CREB5: variants seen among roughly 807,000 people sequenced by gnomAD.
CREB5 encodes the protein cyclic AMP-responsive element-binding protein 5.
CREB5 carries 19 observed loss-of-function variants against 57.1 expected under a neutral mutation model. That is an observed-to-expected ratio of 0.33 (90% CI 0.23 to 0.49). The LOEUF (loss-of-function observed/expected upper bound fraction) is 0.49. CREB5 is among the 20% of genes least tolerant of loss of function. The pLI is 0.99. For synonymous variants in CREB5, 238 were observed against 238.3 expected (o/e 1.00, Z 0.01); for missense variants, 579 against 671.6 (o/e 0.86, Z 1.52).
At chr7:28,432,723 T>C (rs1045598200) in intron 1 of CREB5, among the ~76,000 whole-genome samples, 2 of 152,220 alleles carry the variant, frequency 1.3e-5, no homozygotes, top group Non-Finnish European at 2.9e-5. Flanking sequence ...GATAGCTATA[T>C]CTCAAGTTCA....
Position 28,412,673 on chromosome 7 carries a change from G to A in CREB5, c.-242G>A. ...TTACTAAAAGAAACTTAGAGAACGA[G>A]GGAGGTACCAGAGTCTAGGAGGTAC... On this transcript the variant is annotated 5_prime_UTR_variant, in exon 1 of 11. Coordinates refer to ENST00000357727, the MANE Select transcript of CREB5 (RefSeq NM_182898.4). 5.3e-6 allele frequency: 2 copies of A among 379,352 alleles called. No homozygotes were observed. Among genetic ancestry groups the A allele is most frequent in the Middle Eastern group, 6.8e-4 (1 of 1,480 alleles). 23.5% of individuals were successfully genotyped at this position (379,352 alleles called of 1,614,324 possible). A position where few individuals can be genotyped will look rare whatever the true frequency, so the allele number is the denominator to read the frequency against.
chr7:28,500,803 T>A (rs953164499), intron 3 of CREB5, among the ~76,000 whole-genome samples: 12 of 152,174 alleles, frequency 7.9e-5, no homozygotes, highest in Admixed American at 7.9e-4. Context: ...GTTAGGGTAT[T>A]GTAAAAACTG....
chr7:28,744,833 A>G lies in CREB5; in HGVS notation c.702+20501A>G, dbSNP rs566294313. Reference sequence around the variant, plus strand: ...TAAACAAAATCCTAACCAGGATGCAATGATTTGCCTTTGCAAAATCAAATC... The same window carrying G: ...TAAACAAAATCCTAACCAGGATGCAGTGATTTGCCTTTGCAAAATCAAATC... On this transcript the variant is annotated intron_variant, in intron 7 of 10. Transcript: ENST00000357727. 6.6e-5 allele frequency among the ~76,000 whole-genome samples: 10 copies of G among 152,336 alleles called. 1 individual carries two copies. Among genetic ancestry groups the G allele is most frequent in the African/African-American group, 2.4e-4 (10 of 41,578 alleles).
intron 5 of CREB5, among the ~76,000 whole-genome samples, chr7:28,587,432 G>A (rs531192875): frequency 7.2e-5 from 11 of 152,086 alleles, no homozygotes; most frequent in Non-Finnish European, 1.2e-4. Flanking sequence ...TCATCAGTGC[G>A]CTGTTTGGGA....
At chr7:28,624,888 G>T (rs995970321) in intron 5 of CREB5, among the ~76,000 whole-genome samples, 5 of 151,982 alleles carry the variant, frequency 3.3e-5, no homozygotes, top group African/African-American at 1.2e-4. Context: ...CTAGGTTCAT[G>T]CCCAGTTTCC....
intron 2 of CREB5, chr7:28,491,201 T>A (rs1011114556): frequency 8.4e-5 from 83 of 985,402 alleles, no homozygotes; most frequent in Middle Eastern, 5.2e-4. Context: ...ACAGTTTTTT[T>A]AAAAATTAAA....
chr7:28,418,156 C>T (rs10263546), intron 1 of CREB5, among the ~76,000 whole-genome samples: 7,967 of 152,178 alleles, frequency 0.052, 683 homozygotes, highest in African/African-American at 0.18. Flanking sequence ...TTTTAACAAA[C>T]TTGTGTTATT....
Position 28,568,113 on chromosome 7 carries a change from C to A in CREB5, c.292-2252C>A, listed in dbSNP as rs555832237. Among the ~76,000 whole-genome samples the A allele has an allele frequency of 1.2e-4, 18 of 151,996 alleles. No individual in the cohort carries two copies. In the South Asian group the frequency reaches 3.7e-3, roughly 32 times the overall value. On this transcript the variant is annotated intron_variant, in intron 4 of 10. Transcript: ENST00000357727. ...GGTTATAGGTTGGTGGAAGGATGGA[C>A]GGAAAGATTGGAAGAGATGAGGGAC... is the stretch of plus-strand genomic sequence containing the variant.
intron 4 of CREB5, among the ~76,000 whole-genome samples, chr7:28,567,358 A>G (rs1795524884): frequency 6.6e-6 from 1 of 152,172 alleles, no homozygotes; most frequent in African/African-American, 2.4e-5. Context: ...GGACATTAGC[A>G]CTCTCGAAAA....
intron 4 of CREB5, among the ~76,000 whole-genome samples, chr7:28,528,840 T>G (rs1793584793): frequency 6.6e-6 from 1 of 152,138 alleles, no homozygotes; most frequent in African/African-American, 2.4e-5. Context: ...ATATGATATT[T>G]ATTTCCCTTC....
At chr7:28,535,336 A>AAAG (rs1793909061) in intron 4 of CREB5, among the ~76,000 whole-genome samples, 1 of 137,206 alleles carries the variant, frequency 7.3e-6, no homozygotes, top group Non-Finnish European at 1.6e-5. Flanking sequence ...GGAGGGAAGG[A>AAAG]AAGAAGGAGG....
chr7:28,494,949 A>G lies in CREB5; in HGVS notation c.119A>G (p.His40Arg). 4 of 1,609,208 alleles carry G rather than the reference A, an allele frequency of 2.5e-6. No individual in the cohort carries two copies. Among genetic ancestry groups the G allele is most frequent in the Non-Finnish European group, 3.4e-6 (4 of 1,179,084 alleles). ...EDHLMIHRHK[H>R]EMTLKFPSIK... ...CATCTGATGATTCATAGGCACAAAC[A>G]TGAAATGACTTTGAAGTTTCCTTCA... The change falls in exon 3 of 11, where the codon CAT becomes CGT. Residue 40 changes from histidine to arginine, a missense_variant. Transcript: ENST00000357727.
intron 1 of CREB5, among the ~76,000 whole-genome samples, chr7:28,413,858 C>T (rs1261115707): frequency 6.6e-6 from 1 of 152,022 alleles, no homozygotes; most frequent in Non-Finnish European, 1.5e-5. Context: ...TGTCAGTTTC[C>T]CACACCTGCA....
At chr7:28,401,945 T>C (rs1355872599) in intron 1 of CREB5, among the ~76,000 whole-genome samples, 1 of 152,192 alleles carries the variant, frequency 6.6e-6, no homozygotes, top group Admixed American at 6.5e-5. Flanking sequence ...GATGGCTGGG[T>C]CAAATGGTAT....
chr7:28,604,947 A>G lies in CREB5; in HGVS notation c.464+34410A>G, dbSNP rs920290386. On this transcript the variant is annotated intron_variant, in intron 5 of 10. Transcript: ENST00000357727. ...TGGGAGAATTAATATATTCTCTTCC[A>G]GTCACTATGTGACAGCAGCTTGATG... Among the ~76,000 whole-genome samples the G allele has an allele frequency of 5.3e-5, 8 of 152,318 alleles. No individual in the cohort carries two copies. In the East Asian group the frequency reaches 1.3e-3, roughly 26 times the overall value.
intron 9 of CREB5, among the ~76,000 whole-genome samples, chr7:28,812,219 G>A (rs759620980): frequency 2.0e-5 from 3 of 152,164 alleles, no homozygotes; most frequent in African/African-American, 7.2e-5. Flanking sequence ...CAGCTGCCAA[G>A]GCTTTAAATC....
intron 5 of CREB5, among the ~76,000 whole-genome samples, chr7:28,626,086 T>C (rs2128689562): frequency 6.6e-6 from 1 of 152,276 alleles, no homozygotes; most frequent in African/African-American, 2.4e-5. Flanking sequence ...TCTATTTGGG[T>C]GTGTCATTTT....
intron 7 of CREB5, among the ~76,000 whole-genome samples, chr7:28,800,000 A>T (rs947104131): frequency 1.8e-4 from 28 of 152,244 alleles, no homozygotes; most frequent in Admixed American, 1.8e-3. Context: ...AATTCAGTGT[A>T]TCATATGTAT....
Position 28,560,879 on chromosome 7 carries a change from C to CGTGTGCGTGCGTGCGT in CREB5, c.292-9483_292-9482insTGCGTGCGTGCGTGTG. 9.1e-5 allele frequency among the ~76,000 whole-genome samples: 2 copies of CGTGTGCGTGCGTGCGT among 22,060 alleles called. 1 individual carries two copies. Among genetic ancestry groups the CGTGTGCGTGCGTGCGT allele is most frequent in the South Asian group, 5.6e-3 (2 of 358 alleles). The allele number at this position is 22,060 out of a possible 152,430, so 14.5% of individuals were successfully genotyped here. On this transcript the variant is annotated intron_variant, in intron 4 of 10. Transcript: ENST00000357727. The stretch of plus-strand genomic sequence containing the variant: ...GTGTGCGTGTGCCTGCGTGCGCGTG[C>CGTGTGCGTGCGTGCGT]GTGCGTGCGTGTGTGTGCGTGCGCG...
Sources: allele counts gnomAD v4.1 joint callset (sites outside exome capture counted in the v4.1 genomes callset), GRCh38; gene constraint gnomAD v4.1.1; transcripts MANE v1.5; gene names NCBI Gene and HGNC (gene_info 2026-07-23, HGNC 2026-07-21).